SNX29: variants seen among roughly 807,000 people sequenced by gnomAD.
SNX29 encodes sorting nexin-29.
SNX29 carries 78 observed loss-of-function variants against 102.1 expected under a neutral mutation model. The ratio of observed to expected loss-of-function variants is 0.76; its 90% confidence interval spans 0.64 to 0.92. The LOEUF is 0.92. Ranked by LOEUF, SNX29 falls within the 40% of genes least tolerant of loss-of-function variation. The probability of loss-of-function intolerance (pLI) is 0.00; values close to 1 mark genes in which losing one functional copy is unlikely to be tolerated. For synonymous variants in SNX29, 580 were observed against 414.5 expected (o/e 1.40, Z -4.85); for missense variants, 1,280 against 1,061.7 (o/e 1.21, Z -2.86).
intron 18 of SNX29, among the ~76,000 whole-genome samples, chr16:12,451,005 A>C (rs2086277763): frequency 6.6e-6 from 1 of 152,114 alleles, no homozygotes; most frequent in Admixed American, 6.6e-5. Context: ...GGGAATAACA[A>C]GGCTTCTGAC....
At chr16:12,003,571 C>G (rs1232679753) in intron 3 of SNX29, among the ~76,000 whole-genome samples, 2 of 152,144 alleles carry the variant, frequency 1.3e-5, no homozygotes, top group East Asian at 1.9e-4. Flanking sequence ...GTGGTCCTAG[C>G]TATGTTAGAT....
intron 18 of SNX29, among the ~76,000 whole-genome samples, chr16:12,411,675 G>A (rs1461805084): frequency 6.6e-6 from 1 of 152,168 alleles, no homozygotes; most frequent in African/African-American, 2.4e-5. Context: ...TTGACATTGA[G>A]CTGACCGTCA....
intron 13 of SNX29, among the ~76,000 whole-genome samples, chr16:12,177,137 A>G (rs2076278439): frequency 6.6e-6 from 1 of 152,104 alleles, no homozygotes; most frequent in Non-Finnish European, 1.5e-5. Context: ...TTGTAGAGAC[A>G]TGGTCTCCTT....
chr16:12,075,252 G>C (rs2051495885), intron 10 of SNX29, among the ~76,000 whole-genome samples: 2 of 152,178 alleles, frequency 1.3e-5, no homozygotes, highest in African/African-American at 2.4e-5. Flanking sequence ...GCTTTTTAGA[G>C]TTTGCAGTTT....
intron 14 of SNX29, among the ~76,000 whole-genome samples, chr16:12,220,697 C>A (rs1032029308): frequency 9.2e-5 from 14 of 152,050 alleles, no homozygotes; most frequent in African/African-American, 3.4e-4. Flanking sequence ...CTTTTAATTT[C>A]TGACATTGTT....
chr16:12,570,769 T>A lies in SNX29; in HGVS notation c.*2140T>A, dbSNP rs2079170660. 6.1e-6 allele frequency: 1 copy of A among 164,088 alleles called. No individual in the cohort carries two copies. The highest frequency in any genetic ancestry group is 3.0e-4 in the South Asian group (1 of 3,340). 10.2% of individuals were successfully genotyped at this position (164,088 alleles called of 1,614,324 possible). On this transcript the variant is annotated 3_prime_UTR_variant, in exon 21 of 21. Transcript: ENST00000566228. ...GGAAGCACCTTGGACATTCTGCACA[T>A]GATAATAATGCAACAGTCCCCCATT...
chr16:12,546,892 G>C (rs999495109), intron 20 of SNX29, among the ~76,000 whole-genome samples: 2 of 152,220 alleles, frequency 1.3e-5, no homozygotes, highest in Non-Finnish European at 2.9e-5. Flanking sequence ...TCCAGGGCTA[G>C]GAGTGCAGCT....
intron 13 of SNX29, among the ~76,000 whole-genome samples, chr16:12,180,675 C>T (rs1479587238): frequency 2.0e-5 from 3 of 152,200 alleles, no homozygotes; most frequent in African/African-American, 4.8e-5. Flanking sequence ...TTAGTAGAGA[C>T]GGGGTTTCAC....
At chr16:12,524,947 G>A (rs1453156603) in intron 20 of SNX29, 106 bp downstream of exon 20, 13 of 1,481,744 alleles carry the variant, frequency 8.8e-6, no homozygotes, top group Admixed American at 2.1e-5. Context: ...TGCCCTGATC[G>A]CCATGGGACC....
At chr16:12,568,147 C>G (rs1410465127) in intron 20 of SNX29, among the ~76,000 whole-genome samples, 1 of 152,120 alleles carries the variant, frequency 6.6e-6, no homozygotes, top group South Asian at 2.1e-4. Context: ...TTGCCTTGGA[C>G]TTAGAAGCGT....
At chr16:12,429,866 A>T (rs918439033) in intron 18 of SNX29, among the ~76,000 whole-genome samples, 4 of 152,196 alleles carry the variant, frequency 2.6e-5, no homozygotes, top group Admixed American at 1.3e-4. Context: ...TTTGTAGTAG[A>T]TGGATACAGA....
rs150558478 is a variant in SNX29 at position 12,122,825 on chromosome 16, T to C, written c.1403-3808T>C. ...TGCCTATCATCTCTGTTATTAATAA[T>C]TTAAAAAAAATTTTTTTTCTAGGCG... On this transcript the variant is annotated intron_variant, in intron 11 of 20. Transcript: ENST00000566228. Among the ~76,000 whole-genome samples the C allele has an allele frequency of 4.6e-5, 7 of 152,168 alleles. No homozygotes were observed. In the East Asian group the frequency reaches 1.4e-3, roughly 29 times the overall value.
At chr16:12,235,289 CA>C (rs1248117992) in intron 14 of SNX29, among the ~76,000 whole-genome samples, 3 of 152,080 alleles carry the variant, frequency 2.0e-5, no homozygotes, top group African/African-American at 7.2e-5. Context: ...CCAGAGTTGG[CA>C]GAAGTCAGAG....
chr16:12,538,394 C>T (rs996614173), intron 20 of SNX29, among the ~76,000 whole-genome samples: 1 of 152,156 alleles, frequency 6.6e-6, no homozygotes, highest in Non-Finnish European at 1.5e-5. Flanking sequence ...CCGGCCTCCC[C>T]TTGCACTTTT....
intron 16 of SNX29, among the ~76,000 whole-genome samples, chr16:12,390,204 G>A (rs1026774323): frequency 2.7e-5 from 4 of 150,912 alleles, no homozygotes; most frequent in East Asian, 2.0e-4. Context: ...ATGTGTGCAC[G>A]CACAGCCTCT....
intron 18 of SNX29, among the ~76,000 whole-genome samples, chr16:12,404,930 T>C (rs2084102507): frequency 6.6e-6 from 1 of 152,220 alleles, no homozygotes; most frequent in African/African-American, 2.4e-5. Context: ...AGCTAGACTT[T>C]GGCATGAGAA....
intron 14 of SNX29, among the ~76,000 whole-genome samples, chr16:12,264,010 G>T (rs1013580221): frequency 6.6e-6 from 1 of 152,202 alleles, no homozygotes; most frequent in Non-Finnish European, 1.5e-5. Context: ...TCCGGACCAG[G>T]CACCCTTCTG....
At chr16:12,526,906 G>GAGAGA in intron 20 of SNX29, 1 of 392,044 alleles carries the variant, frequency 2.6e-6, no homozygotes, top group Non-Finnish European at 4.8e-6. Context: ...CAGCCATGCT[G>GAGAGA]GTTGCCATCA....
chr16:12,432,962 G>A (rs762491791), intron 18 of SNX29, among the ~76,000 whole-genome samples: 43 of 152,302 alleles, frequency 2.8e-4, no homozygotes, highest in African/African-American at 7.7e-4. Context: ...GTGTGATGCC[G>A]GGCCTGGGCC....
Sources: allele counts gnomAD v4.1 joint callset (sites outside exome capture counted in the v4.1 genomes callset), GRCh38; gene constraint gnomAD v4.1.1; transcripts MANE v1.5; gene names NCBI Gene and HGNC (gene_info 2026-07-23, HGNC 2026-07-21).